Variants in ARHGAP26 observed in about 807,000 individuals in gnomAD.
The protein encoded by ARHGAP26 is rho GTPase-activating protein 26.
In ARHGAP26, 38 loss-of-function variants were observed where a neutral mutation model predicts 104.8. That is an observed-to-expected ratio of 0.36 (90% CI 0.28 to 0.48). ARHGAP26 has a LOEUF of 0.48. Among genes scored for constraint, ARHGAP26 ranks in the 20% least tolerant of loss-of-function variants. ARHGAP26 has a pLI of 0.99. For missense variants in ARHGAP26, 704 were observed against 947.9 expected (o/e 0.74, Z 3.38); for synonymous variants, 341 against 340.0 (o/e 1.00, Z -0.03).
At chr5:142,980,172 G>T (rs1773708669) in intron 11 of ARHGAP26, among the ~76,000 whole-genome samples, 1 of 152,012 alleles carries the variant, frequency 6.6e-6, no homozygotes, top group Non-Finnish European at 1.5e-5. Context: ...CTTTGTGTGT[G>T]GCTCCTTTTA....
chr5:142,910,101 G>T (rs756419791), intron 9 of ARHGAP26, among the ~76,000 whole-genome samples: 5 of 152,132 alleles, frequency 3.3e-5, no homozygotes, highest in Non-Finnish European at 7.4e-5. Context: ...TATTATAAGA[G>T]TTAATTTTCC....
chr5:143,001,225 T>G (rs945728802), intron 11 of ARHGAP26, among the ~76,000 whole-genome samples: 1 of 152,196 alleles, frequency 6.6e-6, no homozygotes, highest in Admixed American at 6.5e-5. Flanking sequence ...CTATCTGAGC[T>G]GATGTTTCTA....
At position 142,978,022 on chromosome 5, in the gene ARHGAP26, G is replaced by C. The variant is rs146296865; in HGVS notation, c.1108-36058G>C. On this transcript the variant is annotated intron_variant, in intron 11 of 22. Transcript: ENST00000645722. Reference sequence around the variant, plus strand: ...GGACCTGGTTCCTCTTGACTCCTCTGACTTATTTTCAGTGATCCGACATCT... The same window carrying C: ...GGACCTGGTTCCTCTTGACTCCTCTCACTTATTTTCAGTGATCCGACATCT... Among the ~76,000 whole-genome samples, 206 of 152,324 alleles carry C rather than the reference G, an allele frequency of 1.4e-3. 1 individual carries two copies. In the Middle Eastern group the frequency reaches 0.024, roughly 18 times the overall value.
chr5:143,004,721 T>G (rs1046881100), intron 11 of ARHGAP26, among the ~76,000 whole-genome samples: 15 of 152,226 alleles, frequency 9.9e-5, no homozygotes, highest in African/African-American at 1.4e-4. Flanking sequence ...GGTATTGTGA[T>G]GTTTTGAAGC....
chr5:143,058,607 A>C (rs1199761485), intron 17 of ARHGAP26, among the ~76,000 whole-genome samples: 1 of 152,262 alleles, frequency 6.6e-6, no homozygotes, highest in Admixed American at 6.5e-5. Flanking sequence ...TAAACCCTAC[A>C]TTCTATTGAA....
intron 19 of ARHGAP26, among the ~76,000 whole-genome samples, chr5:143,141,440 G>A (rs1247558286): frequency 6.6e-6 from 1 of 152,192 alleles, no homozygotes; most frequent in Non-Finnish European, 1.5e-5. Flanking sequence ...TACAACTGGA[G>A]CGTGGCCCAT....
At chr5:143,154,472 T>TC (rs1159945329) in intron 20 of ARHGAP26, among the ~76,000 whole-genome samples, 1 of 152,126 alleles carries the variant, frequency 6.6e-6, no homozygotes, top group Non-Finnish European at 1.5e-5. Context: ...TTTGGAGGGC[T>TC]CCCCCCACAA....
intron 10 of ARHGAP26, among the ~76,000 whole-genome samples, chr5:142,914,245 G>GGCTGCTGGA (rs1489703629): frequency 5.9e-5 from 9 of 152,184 alleles, no homozygotes; most frequent in African/African-American, 1.4e-4. Context: ...AGGCTGCTGG[G>GGCTGCTGGA]GCTGCTGGAG....
intron 12 of ARHGAP26, among the ~76,000 whole-genome samples, chr5:143,023,129 A>G (rs181251373): frequency 8.5e-5 from 13 of 152,322 alleles, no homozygotes; most frequent in African/African-American, 2.6e-4. Flanking sequence ...TCCCACAGGG[A>G]TTTGGCAACA....
intron 11 of ARHGAP26, among the ~76,000 whole-genome samples, chr5:142,968,556 G>C (rs1043142017): frequency 6.6e-6 from 1 of 152,096 alleles, no homozygotes; most frequent in Non-Finnish European, 1.5e-5. Context: ...ATGACCACAG[G>C]TAATTTTTAG....
At chr5:142,852,445 T>TTAAGA (rs1751678534) in intron 1 of ARHGAP26, among the ~76,000 whole-genome samples, 1 of 152,256 alleles carries the variant, frequency 6.6e-6, no homozygotes, top group Admixed American at 6.5e-5. Context: ...TCAGCAATCT[T>TTAAGA]AAAACCATCC....
At chr5:143,074,147 A>G (rs1035148474) in intron 17 of ARHGAP26, among the ~76,000 whole-genome samples, 28 of 151,884 alleles carry the variant, frequency 1.8e-4, no homozygotes, top group African/African-American at 6.0e-4. Context: ...AAGTACACCA[A>G]TTTTTTTTCT....
chr5:143,006,316 C>CT lies in ARHGAP26; in HGVS notation c.1108-7742dup, dbSNP rs34154406. ...ACCAACTCCACCTTTAGTGTTTTTT[C>CT]TTTTTTTTTTTTTTTTTTTTTTAAT... is the stretch of plus-strand genomic sequence containing the variant. On this transcript the variant is annotated intron_variant, in intron 11 of 22. Coordinates refer to ENST00000645722, the MANE Select transcript of ARHGAP26 (RefSeq NM_001135608.3). 2.1e-4 allele frequency among the ~76,000 whole-genome samples: 24 copies of CT among 112,854 alleles called. No homozygotes were observed. The East Asian group carries it at 2.2e-3, about 10-fold the overall frequency. The allele number at this position is 112,854 out of a possible 152,430, so 74.0% of individuals were successfully genotyped here. A position where few individuals can be genotyped will look rare whatever the true frequency, so the allele number is the denominator to read the frequency against.
intron 17 of ARHGAP26, among the ~76,000 whole-genome samples, chr5:143,102,100 G>A (rs1793333876): frequency 6.6e-6 from 1 of 152,082 alleles, no homozygotes; most frequent in Non-Finnish European, 1.5e-5. Flanking sequence ...GTAGGTTGGT[G>A]GTGGTTTTGT....
intron 13 of ARHGAP26, among the ~76,000 whole-genome samples, chr5:143,040,058 A>G (rs1385735620): frequency 6.6e-6 from 1 of 152,138 alleles, no homozygotes; most frequent in Non-Finnish European, 1.5e-5. Context: ...ACTCTCTGGG[A>G]TTTGACAATT....
chr5:143,137,851 C>T (rs1297819048), intron 19 of ARHGAP26, among the ~76,000 whole-genome samples: 1 of 152,210 alleles, frequency 6.6e-6, no homozygotes, highest in Non-Finnish European at 1.5e-5. Flanking sequence ...TCTGCAGTGT[C>T]CTTACTCTGT....
chr5:142,881,490 C>T (rs1402137724), intron 4 of ARHGAP26, among the ~76,000 whole-genome samples: 1 of 152,142 alleles, frequency 6.6e-6, no homozygotes, highest in Non-Finnish European at 1.5e-5. Context: ...CTCACCAAAG[C>T]ATGTTTCCCC....
chr5:142,967,413 T>G (rs1317420899), intron 11 of ARHGAP26, among the ~76,000 whole-genome samples: 1 of 152,216 alleles, frequency 6.6e-6, no homozygotes, highest in Non-Finnish European at 1.5e-5. Flanking sequence ...CCTAGCACAA[T>G]GCTTGGCTTG....
intron 5 of ARHGAP26, among the ~76,000 whole-genome samples, chr5:142,892,659 C>T (rs1274001618): frequency 1.3e-5 from 2 of 149,698 alleles, no homozygotes; most frequent in African/African-American, 2.6e-5. Context: ...GCTAATATGA[C>T]GTCTGTTTGG....
Sources: allele counts gnomAD v4.1 joint callset (sites outside exome capture counted in the v4.1 genomes callset), GRCh38; gene constraint gnomAD v4.1.1; transcripts MANE v1.5; gene names NCBI Gene and HGNC (gene_info 2026-07-23, HGNC 2026-07-21).